The following RANBP9 variants were observed in gnomAD, a reference collection of about 807,000 sequenced individuals.
The protein encoded by RANBP9 is RAN binding protein 9.
In RANBP9, 15 loss-of-function variants were observed where a neutral mutation model predicts 84.3. The ratio of observed to expected loss-of-function variants is 0.18; its 90% CI spans 0.12 to 0.27. The LOEUF is 0.27. Among genes scored for constraint, RANBP9 ranks in the 10% least tolerant of loss-of-function variants. The pLI, the probability that RANBP9 is intolerant of heterozygous loss-of-function variation, is 1.00. For missense variants in RANBP9, 809 were observed against 912.8 expected, an observed-to-expected ratio of 0.89 and a Z score of 1.46; for synonymous variants, 392 against 349.6, an observed-to-expected ratio of 1.12 and a Z score of -1.35.
chr6:13,622,608 A>G, intron 13 of RANBP9, 116 bp from the exon 14 acceptor site: 2 of 1,092,386 alleles, frequency 1.8e-6, no homozygotes, highest in Non-Finnish European at 2.5e-6. Flanking sequence ...ACCACTCTGA[A>G]ATATCAGCAA....
chr6:13,698,515 TTACAAATAAATCTA>T (rs1261884765), intron 1 of RANBP9, among the ~76,000 whole-genome samples: 1 of 152,186 alleles, frequency 6.6e-6, no homozygotes. Flanking sequence ...AATTAGATTG[TTACAAATAAATCTA>T]TAGAAAACTA....
At chr6:13,661,068 A>G (rs186998858) in intron 2 of RANBP9, among the ~76,000 whole-genome samples, 3 of 152,334 alleles carry the variant, frequency 2.0e-5, no homozygotes, top group East Asian at 1.9e-4. Context: ...AGCTATGCTT[A>G]CTGCTTAAAG....
At chr6:13,707,430 G>A (rs1216382025) in intron 1 of RANBP9, among the ~76,000 whole-genome samples, 5 of 152,200 alleles carry the variant, frequency 3.3e-5, no homozygotes, top group African/African-American at 1.2e-4. Flanking sequence ...CTGAAGCACT[G>A]TGTTCCAGTT....
chr6:13,706,471 G>T (rs1027504639), intron 1 of RANBP9, among the ~76,000 whole-genome samples: 1 of 152,226 alleles, frequency 6.6e-6, no homozygotes, highest in Non-Finnish European at 1.5e-5. Context: ...GAGGCGGGCA[G>T]ATCACGAGGT....
intron 2 of RANBP9, among the ~76,000 whole-genome samples, chr6:13,667,609 A>C (rs1286377383): frequency 6.6e-6 from 1 of 152,164 alleles, no homozygotes; most frequent in Admixed American, 6.5e-5. Flanking sequence ...ACACATTTTT[A>C]CTGTATCTTT....
chr6:13,707,546 C>T (rs933221248), intron 1 of RANBP9, among the ~76,000 whole-genome samples: 12 of 152,094 alleles, frequency 7.9e-5, no homozygotes, highest in Non-Finnish European at 1.6e-4. Context: ...CTCATATGAA[C>T]TTAAAGAGGC....
At chr6:13,634,721 GT>G (rs1306962593) in intron 10 of RANBP9, among the ~76,000 whole-genome samples, 169 bp from the exon 11 acceptor site, 1 of 152,186 alleles carries the variant, frequency 6.6e-6, no homozygotes. Flanking sequence ...AGCCAAACAT[GT>G]CGCTGACTTT....
chr6:13,699,668 C>T (rs761735408), intron 1 of RANBP9, among the ~76,000 whole-genome samples: 1 of 152,118 alleles, frequency 6.6e-6, no homozygotes, highest in Non-Finnish European at 1.5e-5. Flanking sequence ...TCAAGACCAG[C>T]TTGGCCAACA....
At chr6:13,668,837 G>A (rs144019888) in intron 2 of RANBP9, among the ~76,000 whole-genome samples, 22 of 152,218 alleles carry the variant, frequency 1.4e-4, no homozygotes, top group Middle Eastern at 3.4e-3. Context: ...AAAAAAGGAT[G>A]TCTTCTCTCA....
chr6:13,708,093 A>G (rs1758174644), intron 1 of RANBP9, among the ~76,000 whole-genome samples: 1 of 152,234 alleles, frequency 6.6e-6, no homozygotes, highest in Admixed American at 6.5e-5. Flanking sequence ...TACTGCTTCC[A>G]AAAGCAGTAA....
chr6:13,695,435 A>G (rs1332161333), intron 2 of RANBP9, among the ~76,000 whole-genome samples: 3 of 140,690 alleles, frequency 2.1e-5, no homozygotes, highest in African/African-American at 7.8e-5. Context: ...TCAGAAAAAG[A>G]TTTTAAACAA....
intron 10 of RANBP9, among the ~76,000 whole-genome samples, chr6:13,635,019 T>A (rs1295699719): frequency 2.0e-5 from 3 of 152,146 alleles, no homozygotes; most frequent in Non-Finnish European, 4.4e-5. Context: ...GTTCCGGACC[T>A]CATACTCAAT....
At chr6:13,686,586 A>G (rs148478124) in intron 2 of RANBP9, among the ~76,000 whole-genome samples, 10 of 151,494 alleles carry the variant, frequency 6.6e-5, no homozygotes, top group African/African-American at 1.5e-4. Flanking sequence ...TGCCCAGCCT[A>G]ATAAACAGGG....
intron 2 of RANBP9, among the ~76,000 whole-genome samples, chr6:13,660,696 G>A (rs1024231183): frequency 1.3e-5 from 2 of 152,048 alleles, no homozygotes; most frequent in South Asian, 2.1e-4. Context: ...AAAACTCAGA[G>A]TTTTCCCTAC....
chr6:13,638,318 T>C (rs1764987461), intron 9 of RANBP9, among the ~76,000 whole-genome samples: 1 of 151,998 alleles, frequency 6.6e-6, no homozygotes, highest in Admixed American at 6.6e-5. Context: ...AGAACAGACA[T>C]GGGAATCACA....
At chr6:13,647,688 A>G (rs538142513) in intron 5 of RANBP9, among the ~76,000 whole-genome samples, 11 of 152,294 alleles carry the variant, frequency 7.2e-5, no homozygotes, top group African/African-American at 2.2e-4. Flanking sequence ...TCTCTTTTGT[A>G]CATTTCTGTA....
intron 5 of RANBP9, among the ~76,000 whole-genome samples, chr6:13,651,782 T>C (rs1386575344): frequency 1.3e-5 from 2 of 152,110 alleles, no homozygotes; most frequent in African/African-American, 4.8e-5. Context: ...CACAATGTCT[T>C]TGTATTTCAC....
At chr6:13,659,259 C>CGT (rs1331763588) in intron 2 of RANBP9, among the ~76,000 whole-genome samples, 2 of 38,834 alleles carry the variant, frequency 5.2e-5, no homozygotes, top group Non-Finnish European at 1.3e-4. Context: ...CACACACATA[C>CGT]ACACACACAC....
chr6:13,655,265 G>A (rs1765372502), intron 4 of RANBP9, among the ~76,000 whole-genome samples: 1 of 152,088 alleles, frequency 6.6e-6, no homozygotes, highest in Admixed American at 6.5e-5. Flanking sequence ...TGAGGTCAGA[G>A]GTTCAAGACC....
Sources: allele counts gnomAD v4.1 joint callset (sites outside exome capture counted in the v4.1 genomes callset), GRCh38; gene constraint gnomAD v4.1.1; transcripts MANE v1.5; gene names NCBI Gene and HGNC (gene_info 2026-07-23, HGNC 2026-07-21).